PDE3B: variants seen among roughly 807,000 people sequenced by gnomAD.
The protein encoded by PDE3B is cGMP-inhibited 3',5'-cyclic phosphodiesterase 3B.
PDE3B carries 66 observed loss-of-function variants against 116.8 expected under a neutral mutation model. That is an observed-to-expected ratio of 0.56 (90% CI 0.46 to 0.69). The LOEUF (loss-of-function observed/expected upper bound fraction) is 0.69. Ranked by LOEUF, PDE3B falls within the 30% of genes least tolerant of loss-of-function variation. The probability of loss-of-function intolerance (pLI) is 0.00; values close to 1 mark genes in which losing one functional copy is unlikely to be tolerated. For missense variants in PDE3B, 1,384 were observed against 1,368.1 expected, an observed-to-expected ratio of 1.01 and a Z score of -0.18; for synonymous variants, 595 against 533.6, an observed-to-expected ratio of 1.12 and a Z score of -1.59.
intron 14 of PDE3B, among the ~76,000 whole-genome samples, 163 bp from the exon 15 acceptor site, chr11:14,867,343 A>G (rs1157983009): frequency 2.6e-5 from 4 of 152,232 alleles, no homozygotes; most frequent in African/African-American, 7.2e-5. Context: ...GGATTTCTCA[A>G]TGTTAAATTC....
At chr11:14,664,233 A>C (rs1446603135) in intron 1 of PDE3B, among the ~76,000 whole-genome samples, 2 of 152,246 alleles carry the variant, frequency 1.3e-5, no homozygotes, top group African/African-American at 4.8e-5. Flanking sequence ...ACAAAGACAC[A>C]ACATATCAGA....
chr11:14,783,115 G>A (rs1858077727), intron 2 of PDE3B, among the ~76,000 whole-genome samples: 1 of 152,184 alleles, frequency 6.6e-6, no homozygotes, highest in Admixed American at 6.5e-5. Flanking sequence ...AACAACAGGT[G>A]CTGGAGAGGA....
At chr11:14,651,122 C>A (rs1853563961) in intron 1 of PDE3B, among the ~76,000 whole-genome samples, 1 of 152,108 alleles carries the variant, frequency 6.6e-6, no homozygotes, top group Non-Finnish European at 1.5e-5. Context: ...GGGTTGGTTC[C>A]TTTTGAAGGC....
At chr11:14,717,602 T>A (rs1476258963) in intron 1 of PDE3B, among the ~76,000 whole-genome samples, 6 of 82,124 alleles carry the variant, frequency 7.3e-5, no homozygotes, top group Middle Eastern at 6.3e-3. Context: ...CAGAAGAGAG[T>A]GGGGGCCAAT....
intron 1 of PDE3B, among the ~76,000 whole-genome samples, chr11:14,716,043 GC>G (rs1291332108): frequency 1.3e-5 from 2 of 152,168 alleles, no homozygotes; most frequent in African/African-American, 4.8e-5. Context: ...CAGACAGTGG[GC>G]GCAGGCCAGT....
intron 1 of PDE3B, among the ~76,000 whole-genome samples, chr11:14,725,265 TTCTC>T (rs929032849): frequency 1.3e-5 from 2 of 151,350 alleles, no homozygotes; most frequent in Non-Finnish European, 2.9e-5. Context: ...CGTTCTTTCT[TTCTC>T]TTTCTTTTTC....
intron 1 of PDE3B, among the ~76,000 whole-genome samples, chr11:14,708,487 G>A (rs1034286481): frequency 6.6e-6 from 1 of 151,822 alleles, no homozygotes; most frequent in Non-Finnish European, 1.5e-5. Flanking sequence ...TTACATATGG[G>A]GACAGCTTAG....
At chr11:14,891,853 G>C in the PDE3B span, 1 of 1,414,776 alleles carries the variant, frequency 7.1e-7, no homozygotes. Flanking sequence ...GTCCCTCAAA[G>C]GGCAGCCGGC....
chr11:14,763,961 A>T (rs541081121), intron 1 of PDE3B, among the ~76,000 whole-genome samples: 10 of 152,130 alleles, frequency 6.6e-5, no homozygotes, highest in Non-Finnish European at 1.3e-4. Flanking sequence ...CAAGAAATAA[A>T]ATTCACTAAA....
At chr11:14,691,170 C>T (rs2133806514) in intron 1 of PDE3B, among the ~76,000 whole-genome samples, 1 of 152,096 alleles carries the variant, frequency 6.6e-6, no homozygotes, top group South Asian at 2.1e-4. Flanking sequence ...GTGCTGAGTG[C>T]AATAATTGAT....
chr11:14,845,689 A>T (rs1300073255), intron 12 of PDE3B, among the ~76,000 whole-genome samples: 1 of 152,244 alleles, frequency 6.6e-6, no homozygotes, highest in Non-Finnish European at 1.5e-5. Flanking sequence ...CTACGTGAAG[A>T]ATGCAGAAGC....
At chr11:14,746,440 C>T (rs1473792807) in intron 1 of PDE3B, among the ~76,000 whole-genome samples, 1 of 152,010 alleles carries the variant, frequency 6.6e-6, no homozygotes, top group Non-Finnish European at 1.5e-5. Context: ...AAGCTAATGC[C>T]CTTTTTCTAG....
intron 1 of PDE3B, among the ~76,000 whole-genome samples, chr11:14,725,485 T>G: frequency 1.5e-5 from 1 of 65,354 alleles, no homozygotes; most frequent in Non-Finnish European, 2.8e-5. Flanking sequence ...CCCTTTCCCT[T>G]TCCCTCCCCC....
intron 7 of PDE3B, among the ~76,000 whole-genome samples, 197 bp downstream of exon 7, chr11:14,819,406 A>G (rs1346529242): frequency 1.3e-5 from 2 of 152,200 alleles, no homozygotes; most frequent in Non-Finnish European, 2.9e-5. Context: ...AAAGAATAAA[A>G]ATGTCCCATA....
chr11:14,803,901 T>C (rs1255166387), intron 4 of PDE3B, 43 bp from the exon 5 acceptor site: 4 of 1,098,502 alleles, frequency 3.6e-6, no homozygotes, highest in South Asian at 1.3e-5. Flanking sequence ...GGTGAAACTT[T>C]TCCTGTTTTT....
intron 2 of PDE3B, chr11:14,776,803 G>T (rs1189555489): frequency 6.6e-6 from 1 of 152,018 alleles, no homozygotes; most frequent in African/African-American, 2.4e-5. Flanking sequence ...TAATGGCAAA[G>T]ATTTCTGTAG....
At chr11:14,773,499 T>A (rs1421039832) in intron 2 of PDE3B, 1 of 152,144 alleles carries the variant, frequency 6.6e-6, no homozygotes, top group Non-Finnish European at 1.5e-5. Flanking sequence ...TAAGGTGAGA[T>A]ATTTACCCTT....
At chr11:14,822,144 C>T (rs1859534924) in intron 7 of PDE3B, among the ~76,000 whole-genome samples, 3 of 152,100 alleles carry the variant, frequency 2.0e-5, no homozygotes, top group African/African-American at 7.2e-5. Context: ...TTCAAGTGAT[C>T]CTCCCGCCTT....
At chr11:14,682,198 G>A (rs1027939264) in intron 1 of PDE3B, among the ~76,000 whole-genome samples, 1 of 152,186 alleles carries the variant, frequency 6.6e-6, no homozygotes, top group Non-Finnish European at 1.5e-5. Context: ...TGTCTCAGGG[G>A]TGGCAGAGGC....
Sources: gnomAD v4.1 joint callset for allele counts (sites outside exome capture counted in the v4.1 genomes callset) on GRCh38, gnomAD v4.1.1 for gene constraint, MANE v1.5 for transcripts, NCBI Gene and HGNC (gene_info 2026-07-23, HGNC 2026-07-21) for gene names.